The following OLFM2 variants were observed in gnomAD, a reference collection of about 807,000 sequenced individuals.
OLFM2 encodes the protein noelin-2.
Under a neutral mutation model 43.9 loss-of-function variants are expected in OLFM2, and 20 were observed. The ratio of observed to expected loss-of-function variants is 0.46; its 90% CI spans 0.32 to 0.66. The LOEUF (loss-of-function observed/expected upper bound fraction) is 0.66. Among genes scored for constraint, OLFM2 ranks in the 30% least tolerant of loss-of-function variants. The probability of loss-of-function intolerance (pLI) is 0.04; values close to 1 mark genes in which losing one functional copy is unlikely to be tolerated. For missense variants in OLFM2, 416 were observed against 643.6 expected, an observed-to-expected ratio of 0.65 and a Z score of 3.83; for synonymous variants, 268 against 278.6, an observed-to-expected ratio of 0.96 and a Z score of 0.38.
chr19:9,889,383 G>T (rs2046618625), intron 1 of OLFM2, among the ~76,000 whole-genome samples: 1 of 151,998 alleles, frequency 6.6e-6, no homozygotes, highest in Admixed American at 6.6e-5. Flanking sequence ...CAAGTAGCTG[G>T]GACTACAGGT....
rs761269306 is a variant in OLFM2 at position 9,854,381 on chromosome 19, G to A, written c.1170C>T (p.Ala390=). ...TGGTAAAATAGGCGAAGTAGACCTTGGCCCCAGCCAGGTGGGAGTTGGTCA... is the reference window on the plus strand; with the variant it reads ...TGGTAAAATAGGCGAAGTAGACCTTAGCCCCAGCCAGGTGGGAGTTGGTCA... ...LYVTNSHLAG[A]KVYFAYFTNT... is the part of the protein sequence containing the mutation. The change falls in exon 6 of 6, where the codon GCC becomes GCT. Residue 390 remains alanine, a synonymous_variant. Transcript: ENST00000264833. This position sits in a 1 kb window ranked among gnomAD's most constrained non-coding sequence, Gnocchi z 9.5. 3.7e-6 allele frequency: 6 copies of A among 1,614,234 alleles called. No individual in the cohort carries two copies. The highest frequency in any genetic ancestry group is 1.1e-5 in the South Asian group (1 of 91,090).
chr19:9,882,948 C>T (rs566528551), intron 1 of OLFM2, among the ~76,000 whole-genome samples: 123 of 151,750 alleles, frequency 8.1e-4, no homozygotes, highest in African/African-American at 2.8e-3. Context: ...CCTGTAATCC[C>T]CCCACTTTGG....
chr19:9,921,217 A>T (rs1042755989), intron 1 of OLFM2, among the ~76,000 whole-genome samples: 4 of 151,926 alleles, frequency 2.6e-5, no homozygotes, highest in African/African-American at 7.3e-5. Flanking sequence ...CCCTGGCTCA[A>T]GCGATCCTTC....
chr19:9,854,365 AGGCGAAGTAGACCTT>A lies in OLFM2; in HGVS notation c.1171_1185del (p.Lys391_Ala395del), dbSNP rs760457103. ...TCGTAACTGGACGTGTTGGTAAAAT[AGGCGAAGTAGACCTT>A]GGCCCCAGCCAGGTGGGAGTTGGTC... On this transcript the variant is annotated inframe_deletion, in exon 6 of 6. Coordinates refer to ENST00000264833, the MANE Select transcript of OLFM2 (RefSeq NM_058164.4). The surrounding 1 kb of genome is among the most constrained non-coding windows in gnomAD (Gnocchi z 9.5). 6.2e-7 allele frequency: 1 copy of A among 1,614,094 alleles called. No homozygotes were observed. Among genetic ancestry groups the A allele is most frequent in the African/African-American group, 1.3e-5 (1 of 74,936 alleles).
intron 1 of OLFM2, among the ~76,000 whole-genome samples, chr19:9,896,073 C>T (rs532639159): frequency 6.7e-6 from 1 of 149,260 alleles, no homozygotes; most frequent in East Asian, 2.0e-4. Context: ...GTTCCCAGGC[C>T]TTCTTTACTT....
intron 1 of OLFM2, among the ~76,000 whole-genome samples, chr19:9,889,241 GT>G (rs1266898378): frequency 6.6e-6 from 1 of 151,510 alleles, no homozygotes; most frequent in East Asian, 2.0e-4. Flanking sequence ...GCAACTGTGT[GT>G]TTTTTGTATT....
intron 1 of OLFM2, among the ~76,000 whole-genome samples, chr19:9,920,997 T>G (rs981538629): frequency 5.9e-5 from 9 of 152,198 alleles, no homozygotes; most frequent in Non-Finnish European, 8.8e-5. Flanking sequence ...TGAGATTTAT[T>G]TAGTACTATC....
At chr19:9,926,560 ATAAAT>A (rs1287106271) in intron 1 of OLFM2, among the ~76,000 whole-genome samples, 2 of 150,494 alleles carry the variant, frequency 1.3e-5, no homozygotes, top group African/African-American at 5.0e-5. Flanking sequence ...TCAAAAATAA[ATAAAT>A]AAATAAATAA....
At chr19:9,898,018 C>T (rs2046700978) in intron 1 of OLFM2, among the ~76,000 whole-genome samples, 1 of 151,634 alleles carries the variant, frequency 6.6e-6, no homozygotes. Flanking sequence ...TCCTCCCACA[C>T]CTCAGCCTTC....
In OLFM2 at chr19:9,857,585, C is replaced by G; in HGVS notation, c.361-103G>C. On this transcript the variant is annotated intron_variant, in intron 3 of 5. Coordinates refer to ENST00000264833, the MANE Select transcript of OLFM2 (RefSeq NM_058164.4). This position sits in a 1 kb window ranked among gnomAD's most constrained non-coding sequence, Gnocchi z 5.7. ...AACTTCACCCTTTGTCTTTGATGCA[C>G]ACCTGGCCCTTGACATGTGGCTCAT... 6.4e-7 allele frequency: 1 copy of G among 1,556,366 alleles called. No homozygotes were observed. The highest frequency in any genetic ancestry group is 1.1e-5 in the South Asian group (1 of 88,914).
chr19:9,935,085 A>C (rs1233834025), intron 1 of OLFM2, among the ~76,000 whole-genome samples: 1 of 152,100 alleles, frequency 6.6e-6, no homozygotes, highest in Non-Finnish European at 1.5e-5. Context: ...AGCTTGAGCA[A>C]GTGATTTAAC....
chr19:9,936,449 C>A lies in OLFM2; in HGVS notation c.-83G>T. On this transcript the variant is annotated 5_prime_UTR_variant, in exon 1 of 6. Coordinates refer to ENST00000264833, the MANE Select transcript of OLFM2 (RefSeq NM_058164.4). ...GGGACCGCCACCAGGCGCGACCCCG[C>A]CCGCCCGGCCGGGGCGACCCTGCGC... 6 of 1,002,354 alleles carry A rather than the reference C, an allele frequency of 6.0e-6. No homozygotes were observed. Among genetic ancestry groups the A allele is most frequent in the Non-Finnish European group, 7.2e-6 (6 of 835,254 alleles). The allele number at this position is 1,002,354 out of a possible 1,614,324, so 62.1% of individuals were successfully genotyped here.
chr19:9,931,728 G>T (rs981083124), intron 1 of OLFM2, among the ~76,000 whole-genome samples: 4 of 149,700 alleles, frequency 2.7e-5, no homozygotes, highest in Admixed American at 6.6e-5. Context: ...AAAAAAAAAA[G>T]AAATAAAAAG....
intron 1 of OLFM2, among the ~76,000 whole-genome samples, chr19:9,927,788 G>A (rs368365753): frequency 1.7e-4 from 26 of 152,262 alleles, no homozygotes; most frequent in South Asian, 4.1e-4. Context: ...AATGTGGGCC[G>A]GGTGCAGTGA....
chr19:9,914,041 C>G (rs1438830941), intron 1 of OLFM2, among the ~76,000 whole-genome samples: 2 of 150,994 alleles, frequency 1.3e-5, no homozygotes, highest in Non-Finnish European at 3.0e-5. Flanking sequence ...AGCGCCCCAC[C>G]ACCACCGCGG....
At chr19:9,913,165 C>T (rs540296654) in intron 1 of OLFM2, among the ~76,000 whole-genome samples, 10 of 152,318 alleles carry the variant, frequency 6.6e-5, no homozygotes, top group Admixed American at 3.3e-4. Context: ...CTTGTCGCCT[C>T]CGCCCTGGGG....
At chr19:9,877,814 C>T (rs963472161) in intron 1 of OLFM2, among the ~76,000 whole-genome samples, 4 of 149,996 alleles carry the variant, frequency 2.7e-5, no homozygotes, top group Admixed American at 6.7e-5. Flanking sequence ...TCCCAGTCTC[C>T]AGAACTGGAA....
At chr19:9,866,498 T>C (rs973703236) in intron 1 of OLFM2, among the ~76,000 whole-genome samples, 4 of 32,430 alleles carry the variant, frequency 1.2e-4, no homozygotes, top group Admixed American at 4.5e-4. Flanking sequence ...GCCAACCCAC[T>C]TTTTTTTTTT....
chr19:9,873,465 T>A (rs1434495236), intron 1 of OLFM2, among the ~76,000 whole-genome samples: 1 of 151,846 alleles, frequency 6.6e-6, no homozygotes, highest in East Asian at 1.9e-4. Context: ...ACATTTTTGG[T>A]TTTTTAAGAG....
Sources: gnomAD v4.1 joint callset for allele counts (sites outside exome capture counted in the v4.1 genomes callset) on GRCh38, gnomAD v4.1.1 for gene constraint, Gnocchi (gnomAD v3.1) non-coding constraint, MANE v1.5 for transcripts, NCBI Gene and HGNC (gene_info 2026-07-23, HGNC 2026-07-21) for gene names.